The following PEBP1 variants were observed in gnomAD, a reference collection of about 807,000 sequenced individuals.
PEBP1 encodes phosphatidylethanolamine-binding protein 1.
A neutral mutation model predicts 22.7 loss-of-function variants in PEBP1; 17 were observed. The ratio of observed to expected loss-of-function variants is 0.75; its 90% confidence interval spans 0.51 to 1.12. The LOEUF (loss-of-function observed/expected upper bound fraction) is 1.12, where lower values mean the gene tolerates loss of function less well. Among genes scored for constraint, PEBP1 ranks in the 50% most tolerant of loss-of-function variants. PEBP1 has a pLI of 0.00. For missense variants in PEBP1, 205 were observed against 243.5 expected, an observed-to-expected ratio of 0.84 and a Z score of 1.05; for synonymous variants, 106 against 104.3, an observed-to-expected ratio of 1.02 and a Z score of -0.10.
intron 3 of PEBP1, among the ~76,000 whole-genome samples, chr12:118,142,665 C>T (rs370188567): frequency 6.6e-6 from 1 of 151,658 alleles, no homozygotes; most frequent in Non-Finnish European, 1.5e-5. Flanking sequence ...TTAGTAGAGA[C>T]GGGGTTTCAC....
At position 118,136,226 on chromosome 12, in the gene PEBP1, G is replaced by A; in HGVS notation, c.17G>A (p.Ser6Asn). MPVDL[S>N]KWSGPLSLQE... ...GGCCTCGCCATGCCGGTGGACCTCA[G>A]CAAGTGGTCCGGGCCCTTGAGCCTG... The change falls in exon 1 of 4, where the codon AGC becomes AAC. Residue 6 changes from serine (S) to asparagine (N), a missense_variant. Transcript: ENST00000261313. This position sits in a 1 kb window ranked among gnomAD's most constrained non-coding sequence, Gnocchi z 5.6. 1 of 1,546,592 alleles carries A rather than the reference G, an allele frequency of 6.5e-7. No homozygotes were observed. Among genetic ancestry groups the A allele is most frequent in the South Asian group, 1.2e-5 (1 of 83,972 alleles).
intron 3 of PEBP1, among the ~76,000 whole-genome samples, chr12:118,142,194 A>T (rs66532744): frequency 0.13 from 17,194 of 131,684 alleles, 1,136 homozygotes; most frequent in Non-Finnish European, 0.15. Flanking sequence ...TTTTTTTTTT[A>T]AATTTTTTTT....
In PEBP1 at chr12:118,145,111, A is replaced by T. The variant is rs886373615; in HGVS notation, c.*308A>T. ...ATGTAAAAAAGAAAAAACTGGGGGG[A>T]AAAAGACCAGGTCTACAGTGATAGA... On this transcript the variant is annotated 3_prime_UTR_variant, in exon 4 of 4. Coordinates refer to ENST00000261313, the MANE Select transcript of PEBP1 (RefSeq NM_002567.4). 1.3e-6 allele frequency: 1 copy of T among 757,878 alleles called. No individual in the cohort carries two copies. Among genetic ancestry groups the T allele is most frequent in the Non-Finnish European group, 2.0e-6 (1 of 504,938 alleles). 46.9% of individuals were successfully genotyped at this position (757,878 alleles called of 1,614,324 possible).
At chr12:118,144,461 C>T in intron 3 of PEBP1, 125 bp from the exon 4 acceptor site, 17 of 869,730 alleles carry the variant, frequency 2.0e-5, no homozygotes, top group South Asian at 1.4e-4. Flanking sequence ...TCTGGACCCT[C>T]GGTGTCCTCC....
At position 118,136,142 on chromosome 12, in the gene PEBP1, C is replaced by T. The variant is rs1179237774; in HGVS notation, c.-68C>T. The T allele has an allele frequency of 1.0e-5, 16 of 1,524,648 alleles. No individual in the cohort carries two copies. The South Asian group carries it at 1.4e-4, about 14-fold the overall frequency. The allele number at this position is 1,524,648 out of a possible 1,614,324, so 94.4% of individuals were successfully genotyped here. ...CCGAGCCAGTGTGCTGAGCTCTCCGCGTCGCCTCTGTCGCCCGCGCCTGGC... is the reference window on the plus strand; with the variant it reads ...CCGAGCCAGTGTGCTGAGCTCTCCGTGTCGCCTCTGTCGCCCGCGCCTGGC... On this transcript the variant is annotated 5_prime_UTR_variant, in exon 1 of 4. Transcript: ENST00000261313. This position sits in a 1 kb window ranked among gnomAD's most constrained non-coding sequence, Gnocchi z 5.6.
chr12:118,142,510 T>C (rs2936839), intron 3 of PEBP1, among the ~76,000 whole-genome samples: 98,139 of 150,980 alleles, frequency 0.65, 32,158 homozygotes, highest in South Asian at 0.75. Context: ...CCATCTTAAC[T>C]CTTTTTTTGA....
rs1290357347 is a variant in PEBP1 at position 118,136,776 on chromosome 12, C to G, written c.135+432C>G. Among the ~76,000 whole-genome samples the G allele has an allele frequency of 6.6e-6, 1 of 152,162 alleles. No homozygotes were observed. Among genetic ancestry groups the G allele is most frequent in the Non-Finnish European group, 1.5e-5 (1 of 68,028 alleles). On this transcript the variant is annotated intron_variant, in intron 1 of 3. Transcript: ENST00000261313. The surrounding 1 kb of genome is among the most constrained non-coding windows in gnomAD (Gnocchi z 5.6). ...TGGTTTTGGAGGGCTGAAGCCTCAC[C>G]CGAGAGCCTGTGACGCATTATGTAA...
chr12:118,139,260 CGAGAT>C (rs1489530565), intron 2 of PEBP1, among the ~76,000 whole-genome samples, 186 bp from the exon 3 acceptor site: 1 of 150,344 alleles, frequency 6.7e-6, no homozygotes, highest in Non-Finnish European at 1.5e-5. Context: ...TGCAGTGAGC[CGAGAT>C]CGTGCCACTG....
Position 118,136,159 on chromosome 12 carries a change from G to A in PEBP1, c.-51G>A. The A allele has an allele frequency of 1.3e-6, 2 of 1,535,090 alleles. No homozygotes were observed. The highest frequency in any genetic ancestry group is 1.7e-6 in the Non-Finnish European group (2 of 1,144,782). The stretch of plus-strand genomic sequence containing the variant: ...GCTCTCCGCGTCGCCTCTGTCGCCC[G>A]CGCCTGGCCTACCGCGGCACTCCCG... On this transcript the variant is annotated 5_prime_UTR_variant, in exon 1 of 4. Coordinates refer to ENST00000261313, the MANE Select transcript of PEBP1 (RefSeq NM_002567.4). This position sits in a 1 kb window ranked among gnomAD's most constrained non-coding sequence, Gnocchi z 5.6.
In PEBP1 at chr12:118,144,904, G is replaced by C; in HGVS notation, c.*101G>C. The stretch of plus-strand genomic sequence containing the variant: ...GATTTCTCCTCTTCCTGCCCCCCTT[G>C]GCATGGGTGAGACCTGACCAGTCAG... On this transcript the variant is annotated 3_prime_UTR_variant, in exon 4 of 4. Coordinates refer to ENST00000261313, the MANE Select transcript of PEBP1 (RefSeq NM_002567.4). 6.3e-7 allele frequency: 1 copy of C among 1,581,146 alleles called. No homozygotes were observed. Among genetic ancestry groups the C allele is most frequent in the Non-Finnish European group, 8.5e-7 (1 of 1,169,932 alleles).
intron 1 of PEBP1, among the ~76,000 whole-genome samples, chr12:118,137,454 G>A (rs969139177): frequency 6.6e-6 from 1 of 152,288 alleles, no homozygotes. Context: ...AGGAGGCTGA[G>A]GTGGGAGGAT....
rs1337896642 is a variant in PEBP1 at position 118,143,954 on chromosome 12, C to G, written c.347-632C>G. ...TTTAAAAAAATAAGAGCTCATGGTA[C>G]CTATTTGCATCCAGTACATCATTGA... On this transcript the variant is annotated intron_variant, in intron 3 of 3. Transcript: ENST00000261313. Among the ~76,000 whole-genome samples the G allele has an allele frequency of 2.0e-5, 3 of 151,324 alleles. No individual in the cohort carries two copies. The East Asian group carries it at 5.8e-4, about 29-fold the overall frequency.
At chr12:118,139,086 G>A (rs1424917782) in intron 2 of PEBP1, 7 of 240,356 alleles carry the variant, frequency 2.9e-5, no homozygotes, top group Admixed American at 2.6e-4. Context: ...AGGCCGAGTC[G>A]GGGGGATCAC....
At chr12:118,141,068 C>T (rs978476439) in intron 3 of PEBP1, among the ~76,000 whole-genome samples, 1 of 152,008 alleles carries the variant, frequency 6.6e-6, no homozygotes, top group Admixed American at 6.6e-5. Flanking sequence ...CTTAAATTCC[C>T]CCAGAGCTAA....
In PEBP1 at chr12:118,136,443, G is replaced by A. The variant is rs191748708; in HGVS notation, c.135+99G>A. The A allele has an allele frequency of 1.6e-3, 2,276 of 1,384,892 alleles. 22 individuals are homozygous for A. The African/African-American group carries it at 0.029, about 17-fold the overall frequency. 85.8% of individuals were successfully genotyped at this position (1,384,892 alleles called of 1,614,324 possible). Reference sequence around the variant, plus strand: ...CGGAGACAGGGCCAGGGGCGGTGGGGAGGTTCAGCCTGCGTGTGTCGAGGC... The same window carrying A: ...CGGAGACAGGGCCAGGGGCGGTGGGAAGGTTCAGCCTGCGTGTGTCGAGGC... On this transcript the variant is annotated intron_variant, in intron 1 of 3. Transcript: ENST00000261313. This position sits in a 1 kb window ranked among gnomAD's most constrained non-coding sequence, Gnocchi z 5.6.
chr12:118,144,208 T>C (rs2034137090), intron 3 of PEBP1, among the ~76,000 whole-genome samples: 1 of 151,818 alleles, frequency 6.6e-6, no homozygotes. Flanking sequence ...GGGTGGTGAC[T>C]TGAGAAGGTC....
intron 3 of PEBP1, among the ~76,000 whole-genome samples, chr12:118,140,857 A>C (rs915238006): frequency 1.3e-5 from 2 of 151,948 alleles, no homozygotes; most frequent in Admixed American, 1.3e-4. Flanking sequence ...TCTCATTTTT[A>C]AAAAAGCCTC....
chr12:118,141,610 T>C (rs2034114978), intron 3 of PEBP1, among the ~76,000 whole-genome samples: 1 of 152,148 alleles, frequency 6.6e-6, no homozygotes, highest in Admixed American at 6.6e-5. Context: ...GGCATACGTC[T>C]GTAGTCCCAG....
At chr12:118,138,627 C>A (rs2034087446) in intron 2 of PEBP1, among the ~76,000 whole-genome samples, 1 of 152,010 alleles carries the variant, frequency 6.6e-6, no homozygotes, top group African/African-American at 2.4e-5. Flanking sequence ...AACTCCTGAC[C>A]TCAGGTGATC....
Sources: gnomAD v4.1 joint callset for allele counts (sites outside exome capture counted in the v4.1 genomes callset) on GRCh38, gnomAD v4.1.1 for gene constraint, Gnocchi (gnomAD v3.1) non-coding constraint, MANE v1.5 for transcripts, NCBI Gene and HGNC (gene_info 2026-07-23, HGNC 2026-07-21) for gene names.